RBFOX1: variants seen among roughly 807,000 people sequenced by gnomAD.
RBFOX1 encodes RNA binding fox-1 homolog 1.
A neutral mutation model predicts 57.7 loss-of-function variants in RBFOX1; 8 were observed. The observed-to-expected ratio is 0.14, with a 90% confidence interval of 0.08 to 0.25. The LOEUF (loss-of-function observed/expected upper bound fraction) is 0.25, where lower values mean the gene tolerates loss of function less well. Ranked by LOEUF, RBFOX1 falls within the 10% of genes least tolerant of loss-of-function variation. RBFOX1 has a pLI of 1.00. For missense variants in RBFOX1, 611 were observed against 548.5 expected, an observed-to-expected ratio of 1.11 and a Z score of -1.14; for synonymous variants, 326 against 222.4, an observed-to-expected ratio of 1.47 and a Z score of -4.15.
chr16:6,174,120 G>A (rs1218049760), intron 1 of RBFOX1, among the ~76,000 whole-genome samples: 2 of 152,166 alleles, frequency 1.3e-5, no homozygotes, highest in Non-Finnish European at 2.9e-5. Context: ...TACTGGAGCT[G>A]TCTGACTTGG....
chr16:6,804,915 A>T (rs919289276), intron 3 of RBFOX1, among the ~76,000 whole-genome samples: 2 of 152,196 alleles, frequency 1.3e-5, no homozygotes, highest in African/African-American at 4.8e-5. Context: ...AAAAAGCGAG[A>T]TTCAAAGACT....
At chr16:7,227,774 G>A (rs1375020338) in intron 4 of RBFOX1, among the ~76,000 whole-genome samples, 1 of 152,184 alleles carries the variant, frequency 6.6e-6, no homozygotes, top group African/African-American at 2.4e-5. Flanking sequence ...CTCCCTTCCT[G>A]TGGCAGACAC....
intron 4 of RBFOX1, among the ~76,000 whole-genome samples, chr16:7,454,765 T>A (rs1183293839): frequency 6.6e-6 from 1 of 152,216 alleles, no homozygotes; most frequent in Admixed American, 6.5e-5. Context: ...CATGTGCAAT[T>A]GCCCATCTGT....
intron 1 of RBFOX1, among the ~76,000 whole-genome samples, chr16:6,098,412 C>T (rs2096269471): frequency 6.6e-6 from 1 of 152,220 alleles, no homozygotes; most frequent in African/African-American, 2.4e-5. Flanking sequence ...TATCAATGCC[C>T]ACTTGCACTG....
At chr16:7,246,764 C>G (rs914195793) in intron 4 of RBFOX1, among the ~76,000 whole-genome samples, 1 of 151,238 alleles carries the variant, frequency 6.6e-6, no homozygotes, top group Non-Finnish European at 1.5e-5. Context: ...ACAGCGCCTA[C>G]GTAGCACATC....
chr16:6,396,416 T>A (rs1177354748), intron 2 of RBFOX1, among the ~76,000 whole-genome samples: 1 of 152,142 alleles, frequency 6.6e-6, no homozygotes, highest in East Asian at 1.9e-4. Context: ...AGTTAGAAAG[T>A]ATCAATGAAA....
intron 2 of RBFOX1, among the ~76,000 whole-genome samples, chr16:6,360,540 T>C (rs2088264356): frequency 6.6e-6 from 1 of 152,196 alleles, no homozygotes; most frequent in Non-Finnish European, 1.5e-5. Flanking sequence ...TCTCTACTCC[T>C]CTGTTTTATA....
intron 4 of RBFOX1, among the ~76,000 whole-genome samples, chr16:7,270,330 C>T (rs747889358): frequency 6.6e-6 from 1 of 152,100 alleles, no homozygotes; most frequent in Non-Finnish European, 1.5e-5. Flanking sequence ...AAAAACCAAA[C>T]AGAATTACTT....
intron 5 of RBFOX1, among the ~76,000 whole-genome samples, chr16:7,539,131 C>T (rs2082251686): frequency 6.6e-6 from 1 of 152,120 alleles, no homozygotes; most frequent in African/African-American, 2.4e-5. Flanking sequence ...AAGACTCCAC[C>T]TTTGACTAGG....
intron 3 of RBFOX1, among the ~76,000 whole-genome samples, chr16:6,815,764 C>G (rs995308515): frequency 1.8e-4 from 28 of 152,154 alleles, no homozygotes; most frequent in African/African-American, 6.8e-4. Flanking sequence ...TAGTTTGCAG[C>G]CAAACCTCAT....
intron 3 of RBFOX1, among the ~76,000 whole-genome samples, chr16:5,859,184 G>A (rs1007367298): frequency 3.9e-5 from 6 of 152,142 alleles, no homozygotes; most frequent in Admixed American, 1.3e-4. Context: ...CAGCCTGGGC[G>A]ACACAGCGAG....
At chr16:5,977,211 T>G (rs539642904) in intron 4 of RBFOX1, among the ~76,000 whole-genome samples, 1 of 152,222 alleles carries the variant, frequency 6.6e-6, no homozygotes, top group Admixed American at 6.5e-5. Context: ...TTCCAAAAAC[T>G]CTGGTGACTT....
At chr16:5,600,053 G>C (rs2047313868) in exon 3 of RBFOX1, 5 of 151,636 alleles carry the variant, frequency 3.3e-5, no homozygotes. Context: ...ACTTTGGGAG[G>C]CTGAGGTGGG....
chr16:7,327,113 A>G (rs765621294), intron 4 of RBFOX1, among the ~76,000 whole-genome samples: 1 of 152,202 alleles, frequency 6.6e-6, no homozygotes, highest in Non-Finnish European at 1.5e-5. Context: ...GTGATGGTGC[A>G]CTTAGTTCTG....
At chr16:6,426,394 G>T (rs1049695867) in intron 2 of RBFOX1, among the ~76,000 whole-genome samples, 11 of 152,112 alleles carry the variant, frequency 7.2e-5, no homozygotes, top group African/African-American at 2.7e-4. Flanking sequence ...GAAAGAGAGA[G>T]AAAAGAATGC....
chr16:7,491,241 C>T (rs1189826793), intron 4 of RBFOX1, among the ~76,000 whole-genome samples: 1 of 152,020 alleles, frequency 6.6e-6, no homozygotes, highest in South Asian at 2.1e-4. Flanking sequence ...TTGGGGTTTC[C>T]TCCGCAGGAA....
intron 4 of RBFOX1, among the ~76,000 whole-genome samples, chr16:5,908,824 T>G (rs995705839): frequency 4.0e-5 from 6 of 151,802 alleles, no homozygotes; most frequent in Admixed American, 6.6e-5. Flanking sequence ...CCTTTGGGAG[T>G]GGAGGAACCC....
chr16:7,474,643 G>C (rs1432282755), intron 4 of RBFOX1, among the ~76,000 whole-genome samples: 1 of 152,330 alleles, frequency 6.6e-6, no homozygotes. Context: ...TCTAAAGTCG[G>C]ACTGGCTTTC....
intron 2 of RBFOX1, among the ~76,000 whole-genome samples, chr16:5,562,730 T>G (rs1429961335): frequency 6.6e-6 from 1 of 152,110 alleles, no homozygotes; most frequent in Non-Finnish European, 1.5e-5. Context: ...GTCCTATATT[T>G]TTGTTTTTTT....
Sources: allele counts gnomAD v4.1 joint callset (sites outside exome capture counted in the v4.1 genomes callset), GRCh38; gene constraint gnomAD v4.1.1; transcripts MANE v1.5; gene names NCBI Gene and HGNC (gene_info 2026-07-23, HGNC 2026-07-21).